Variants in RSPO2 observed in about 807,000 individuals in gnomAD.
The protein encoded by RSPO2 is R-spondin-2.
In RSPO2, 14 loss-of-function variants were observed where a neutral mutation model predicts 30.9. That is an observed-to-expected ratio of 0.45 (90% CI 0.30 to 0.71). The LOEUF (loss-of-function observed/expected upper bound fraction) is 0.71, where lower values mean the gene tolerates loss of function less well. Ranked by LOEUF, RSPO2 falls within the 30% of genes least tolerant of loss-of-function variation. The probability of loss-of-function intolerance (pLI) is 0.08; values close to 1 mark genes in which losing one functional copy is unlikely to be tolerated. For synonymous variants in RSPO2, 107 were observed against 96.4 expected, an observed-to-expected ratio of 1.11 and a Z score of -0.64; for missense variants, 264 against 301.9, an observed-to-expected ratio of 0.87 and a Z score of 0.93.
chr8:108,061,045 G>C (rs62535509), intron 2 of RSPO2, among the ~76,000 whole-genome samples: 1 of 151,776 alleles, frequency 6.6e-6, no homozygotes, highest in Admixed American at 6.6e-5. Flanking sequence ...CACTAAACAT[G>C]GAAAGGAATA....
At chr8:108,029,054 CTTTTTTTTTTTTTTTTTTTTTTTTTT>C (rs71308771) in intron 2 of RSPO2, among the ~76,000 whole-genome samples, 2 of 26,170 alleles carry the variant, frequency 7.6e-5, no homozygotes, top group African/African-American at 1.5e-4. Context: ...TAACATGAGT[CTTTTTTTTTTTTTTTTTTTTTTTTTT>C]TTTTTTTTTT....
At position 107,900,846 on chromosome 8, in the gene RSPO2, A is replaced by G; in HGVS notation, c.*229T>C. 4.6e-6 allele frequency: 2 copies of G among 438,642 alleles called. No individual in the cohort carries two copies. The highest frequency in any genetic ancestry group is 8.1e-6 in the Non-Finnish European group (2 of 247,528). 27.2% of individuals were successfully genotyped at this position (438,642 alleles called of 1,614,324 possible). A position where few individuals can be genotyped will look rare whatever the true frequency, so the allele number is the denominator to read the frequency against. ...GGACGGATTCTCTCAGCACACACTG[A>G]GCCAAGTCACGGGCTGTGCACTTAC... On this transcript the variant is annotated 3_prime_UTR_variant, in exon 6 of 6. Coordinates refer to ENST00000276659, the MANE Select transcript of RSPO2 (RefSeq NM_178565.5).
rs1015580284 is a variant in RSPO2 at position 108,035,661 on chromosome 8, T to C, written c.95-46417A>G. On this transcript the variant is annotated intron_variant, in intron 2 of 5. Transcript: ENST00000276659. ...AATTTTTTTGTATTTTTAGTAGAGA[T>C]GGGGTTTCACCGTGTTAGCCAGGAT... Among the ~76,000 whole-genome samples the C allele has an allele frequency of 1.9e-4, 29 of 152,128 alleles. No individual in the cohort carries two copies. In the East Asian group the frequency reaches 5.0e-3, roughly 26 times the overall value.
chr8:108,035,390 G>C (rs904147415), intron 2 of RSPO2, among the ~76,000 whole-genome samples: 1 of 152,136 alleles, frequency 6.6e-6, no homozygotes, highest in Non-Finnish European at 1.5e-5. Flanking sequence ...TTACCACATC[G>C]GTAGCACAAA....
intron 5 of RSPO2, among the ~76,000 whole-genome samples, chr8:107,943,480 C>G (rs1301989904): frequency 6.6e-6 from 1 of 152,144 alleles, no homozygotes; most frequent in Non-Finnish European, 1.5e-5. Context: ...TCAAATTAGG[C>G]TACTACTGAT....
intron 2 of RSPO2, among the ~76,000 whole-genome samples, chr8:107,991,067 C>CA (rs781154274): frequency 1.5e-3 from 226 of 152,150 alleles, no homozygotes; most frequent in Middle Eastern, 6.8e-3. Flanking sequence ...CCTATCTCTA[C>CA]AAAAAATAAA....
intron 2 of RSPO2, among the ~76,000 whole-genome samples, chr8:108,021,067 G>A (rs1456438845): frequency 6.6e-6 from 1 of 151,980 alleles, no homozygotes; most frequent in Non-Finnish European, 1.5e-5. Flanking sequence ...ATAAAATAAG[G>A]TTCCTGGTCT....
chr8:107,919,886 T>C (rs867744772), intron 5 of RSPO2, among the ~76,000 whole-genome samples: 23 of 152,294 alleles, frequency 1.5e-4, no homozygotes, highest in Middle Eastern at 6.8e-3. Flanking sequence ...AAAATTGCTA[T>C]AGTAAAAGTT....
intron 4 of RSPO2, 147 bp downstream of exon 4, chr8:107,960,527 A>C: frequency 1.3e-6 from 1 of 770,988 alleles, no homozygotes. Flanking sequence ...CATGATGCTT[A>C]AAATCAGCAA....
At chr8:108,060,213 G>A (rs976034192) in intron 2 of RSPO2, among the ~76,000 whole-genome samples, 2 of 151,592 alleles carry the variant, frequency 1.3e-5, no homozygotes, top group Non-Finnish European at 2.9e-5. Context: ...AGAGAAGAAG[G>A]CTTCAGACGA....
At chr8:108,060,907 A>G (rs1812435827) in intron 2 of RSPO2, among the ~76,000 whole-genome samples, 2 of 151,840 alleles carry the variant, frequency 1.3e-5, no homozygotes, top group African/African-American at 2.4e-5. Flanking sequence ...AGAATTTTCA[A>G]CCCAGAATTT....
intron 2 of RSPO2, among the ~76,000 whole-genome samples, chr8:108,067,043 TAAAC>T (rs1380884140): frequency 6.6e-6 from 1 of 152,204 alleles, no homozygotes; most frequent in Non-Finnish European, 1.5e-5. Context: ...AGGAACAAGT[TAAAC>T]AACCCCAAGA....
intron 5 of RSPO2, among the ~76,000 whole-genome samples, chr8:107,908,018 T>A (rs1012756896): frequency 1.3e-5 from 2 of 152,146 alleles, no homozygotes; most frequent in African/African-American, 4.8e-5. Flanking sequence ...GAAGATCACC[T>A]GAACCTTTAC....
rs1195869174 is a variant in RSPO2 at position 107,900,253 on chromosome 8, C to CAA, written c.*820_*821dup. ...GAGTGGAGAAGGTCTACCCAATATG[C>CAA]AAACTCTTTGACACTGGTCATTTGA... On this transcript the variant is annotated 3_prime_UTR_variant, in exon 6 of 6. Transcript: ENST00000276659. 1 of 151,958 alleles carries CAA rather than the reference C, an allele frequency of 6.6e-6. No homozygotes were observed. Among genetic ancestry groups the CAA allele is most frequent in the African/African-American group, 2.4e-5 (1 of 41,326 alleles). The allele number at this position is 151,958 out of a possible 1,614,324, so 9.4% of individuals were successfully genotyped here.
chr8:107,914,571 T>C (rs1811921182), intron 5 of RSPO2, among the ~76,000 whole-genome samples: 1 of 152,076 alleles, frequency 6.6e-6, no homozygotes, highest in Non-Finnish European at 1.5e-5. Flanking sequence ...AGCTATAACA[T>C]AGTTATAATA....
intron 2 of RSPO2, among the ~76,000 whole-genome samples, chr8:108,033,867 A>G (rs1811507511): frequency 6.6e-6 from 1 of 152,200 alleles, no homozygotes; most frequent in Admixed American, 6.5e-5. Flanking sequence ...GTGCAATTCC[A>G]TCATATCTGA....
At chr8:107,972,168 CAG>C (rs1425339277) in intron 3 of RSPO2, among the ~76,000 whole-genome samples, 1 of 150,150 alleles carries the variant, frequency 6.7e-6, no homozygotes, top group Non-Finnish European at 1.5e-5. Flanking sequence ...TTTTTTGAGA[CAG>C]AGTCTCACTC....
At chr8:108,030,115 A>G (rs571627242) in intron 2 of RSPO2, among the ~76,000 whole-genome samples, 126 of 125,368 alleles carry the variant, frequency 1.0e-3, no homozygotes, top group African/African-American at 4.1e-3. Context: ...CCTGGGATAG[A>G]TAGGAAAAAA....
chr8:107,977,570 C>T (rs1282381202), intron 3 of RSPO2, among the ~76,000 whole-genome samples: 1 of 151,978 alleles, frequency 6.6e-6, no homozygotes, highest in African/African-American at 2.4e-5. Flanking sequence ...AGGGTCATGA[C>T]CAATAAAAAA....
Sources: allele counts gnomAD v4.1 joint callset (sites outside exome capture counted in the v4.1 genomes callset), GRCh38; gene constraint gnomAD v4.1.1; transcripts MANE v1.5; gene names NCBI Gene and HGNC (gene_info 2026-07-23, HGNC 2026-07-21).